The following FAXC variants were observed in gnomAD, a reference collection of about 807,000 sequenced individuals.
The protein encoded by FAXC is failed axon connections homolog.
Under a neutral mutation model 41.9 loss-of-function variants are expected in FAXC, and 10 were observed. The ratio of observed to expected loss-of-function variants is 0.24; its 90% CI spans 0.15 to 0.41. FAXC has a LOEUF of 0.41. Among genes scored for constraint, FAXC ranks in the 10% least tolerant of loss-of-function variants. The probability of loss-of-function intolerance (pLI) is 1.00; values close to 1 mark genes in which losing one functional copy is unlikely to be tolerated. For synonymous variants in FAXC, 183 were observed against 183.8 expected, an observed-to-expected ratio of 1.00 and a Z score of 0.03; for missense variants, 399 against 510.9, an observed-to-expected ratio of 0.78 and a Z score of 2.11.
intron 5 of FAXC, among the ~76,000 whole-genome samples, chr6:99,285,321 T>C (rs938364863): frequency 5.3e-5 from 8 of 152,168 alleles, no homozygotes; most frequent in Non-Finnish European, 1.0e-4. Flanking sequence ...TCTCCATCAA[T>C]AGGTATTGAT....
chr6:99,291,253 A>T (rs1002822740), intron 5 of FAXC, among the ~76,000 whole-genome samples: 2 of 152,222 alleles, frequency 1.3e-5, no homozygotes, highest in African/African-American at 4.8e-5. Flanking sequence ...GAGCATCTGA[A>T]ACAGCCAGTG....
At chr6:99,318,011 C>T (rs796953370) in intron 4 of FAXC, among the ~76,000 whole-genome samples, 43 of 152,222 alleles carry the variant, frequency 2.8e-4, no homozygotes, top group African/African-American at 1.0e-3. Context: ...GTAATCCCAG[C>T]ACTTTGGGAG....
At chr6:99,349,808 C>G (rs1313781083), upstream of FAXC, among the ~76,000 whole-genome samples, 1 of 152,028 alleles carries the variant, frequency 6.6e-6, no homozygotes, top group African/African-American at 2.4e-5. Flanking sequence ...CTGAGGCGCG[C>G]CGGGCAGGCT....
intron 4 of FAXC, among the ~76,000 whole-genome samples, chr6:99,303,230 TA>T (rs1168158186): frequency 6.6e-6 from 1 of 152,182 alleles, no homozygotes; most frequent in African/African-American, 2.4e-5. Flanking sequence ...GTCTAGATTG[TA>T]TACTCAGTAA....
At chr6:99,336,356 C>T (rs1447811449) in intron 2 of FAXC, among the ~76,000 whole-genome samples, 3 of 152,184 alleles carry the variant, frequency 2.0e-5, no homozygotes, top group East Asian at 1.9e-4. Flanking sequence ...CTTCCTCAGC[C>T]TCCCCAGGTG....
chr6:99,346,320 C>G (rs1773591701), intron 1 of FAXC, among the ~76,000 whole-genome samples: 1 of 152,174 alleles, frequency 6.6e-6, no homozygotes, highest in Non-Finnish European at 1.5e-5. Context: ...ACAGGTCTGT[C>G]TTCCCTGAGC....
At chr6:99,310,477 C>T (rs1368636799) in intron 4 of FAXC, among the ~76,000 whole-genome samples, 1 of 152,210 alleles carries the variant, frequency 6.6e-6, no homozygotes, top group Non-Finnish European at 1.5e-5. Context: ...GTTTTAAAAG[C>T]ACCACCCTCC....
intron 4 of FAXC, among the ~76,000 whole-genome samples, chr6:99,296,285 G>A (rs902416848): frequency 6.6e-6 from 1 of 152,032 alleles, no homozygotes; most frequent in Non-Finnish European, 1.5e-5. Context: ...CGACCAGGGG[G>A]TTTTGGCAAA....
In FAXC at chr6:99,305,019, G is replaced by A. The variant is rs553711383; in HGVS notation, c.824-13199C>T. Among the ~76,000 whole-genome samples the A allele has an allele frequency of 3.9e-5, 6 of 152,310 alleles. No homozygotes were observed. The East Asian group carries it at 7.7e-4, about 20-fold the overall frequency. ...GGGGAAATAGCCTGTGTAAAGGCAC[G>A]AAGTTGCAGAACAGCACAGTGGACT... On this transcript the variant is annotated intron_variant, in intron 4 of 5. Coordinates refer to ENST00000389677, the MANE Select transcript of FAXC (RefSeq NM_032511.4).
At position 99,345,074 on chromosome 6, in the gene FAXC, G is replaced by A. The variant is rs115287537; in HGVS notation, c.267-2041C>T. Among the ~76,000 whole-genome samples, 191 of 152,244 alleles carry A rather than the reference G, an allele frequency of 1.3e-3. 1 individual carries two copies. The highest frequency in any genetic ancestry group is 4.3e-3 in the African/African-American group (179 of 41,538). ...GATAAGAAAATTGAAGCTCAAAGAC[G>A]TTAAATAACTTGCCTAAGGAACATC... On this transcript the variant is annotated intron_variant, in intron 1 of 5. Transcript: ENST00000389677.
intron 4 of FAXC, among the ~76,000 whole-genome samples, chr6:99,313,088 T>C (rs1256860317): frequency 6.6e-6 from 1 of 152,174 alleles, no homozygotes; most frequent in East Asian, 1.9e-4. Flanking sequence ...AGCACAGGAA[T>C]TCAAGACCAG....
rs1440545639 is a variant in FAXC, at chr6:99,275,829, T to G, written c.*5335A>C. On this transcript the variant is annotated 3_prime_UTR_variant, in exon 6 of 6. Coordinates refer to ENST00000389677, the MANE Select transcript of FAXC (RefSeq NM_032511.4). ...GGAAAACATGCCACAGATGTTCGCA[T>G]CCACGCCTGACAGTAGCAAGAGTCT... 7.2e-5 allele frequency: 11 copies of G among 152,302 alleles called. No homozygotes were observed. The East Asian group carries it at 2.1e-3, about 29-fold the overall frequency. 9.4% of individuals were successfully genotyped at this position (152,302 alleles called of 1,614,324 possible).
intron 5 of FAXC, among the ~76,000 whole-genome samples, chr6:99,281,770 G>A (rs959027293): frequency 1.3e-5 from 2 of 152,226 alleles, no homozygotes; most frequent in African/African-American, 4.8e-5. Context: ...GAATGGGCCA[G>A]AGTCGTGATC....
intron 4 of FAXC, among the ~76,000 whole-genome samples, chr6:99,298,613 T>C (rs1771585150): frequency 6.6e-6 from 1 of 152,174 alleles, no homozygotes. Context: ...TTAAGCACCT[T>C]GAGGGCAAGT....
At chr6:99,301,071 A>G (rs928548433) in intron 4 of FAXC, among the ~76,000 whole-genome samples, 1 of 152,250 alleles carries the variant, frequency 6.6e-6, no homozygotes, top group African/African-American at 2.4e-5. Flanking sequence ...AAACATGTAC[A>G]TAATCACCAA....
intron 4 of FAXC, among the ~76,000 whole-genome samples, chr6:99,320,232 T>A (rs928741034): frequency 2.0e-5 from 3 of 152,190 alleles, no homozygotes; most frequent in Non-Finnish European, 4.4e-5. Flanking sequence ...CTAAACTTCA[T>A]CATCAAATGT....
chr6:99,291,862 C>T, intron 4 of FAXC, 42 bp from the exon 5 acceptor site: 1 of 1,368,922 alleles, frequency 7.3e-7, no homozygotes, highest in Non-Finnish European at 1.0e-6. Context: ...CTGGCCCACA[C>T]TGCCCCACAT....
At chr6:99,340,240 C>T (rs566119971) in intron 2 of FAXC, among the ~76,000 whole-genome samples, 1 of 152,112 alleles carries the variant, frequency 6.6e-6, no homozygotes, top group Non-Finnish European at 1.5e-5. Context: ...GCTGGGATTA[C>T]AGGCACACGC....
chr6:99,294,978 C>A (rs142204034), intron 4 of FAXC, among the ~76,000 whole-genome samples: 1 of 152,288 alleles, frequency 6.6e-6, no homozygotes, highest in East Asian at 1.9e-4. Flanking sequence ...TGACTTCTGG[C>A]CGATGCTCTC....
Sources: allele counts gnomAD v4.1 joint callset (sites outside exome capture counted in the v4.1 genomes callset), GRCh38; gene constraint gnomAD v4.1.1; transcripts MANE v1.5; gene names NCBI Gene and HGNC (gene_info 2026-07-23, HGNC 2026-07-21).